Variants in RBFOX1 observed in about 807,000 individuals in gnomAD.
RBFOX1 encodes the protein RNA binding fox-1 homolog 1, also known as RNA binding protein fox-1 homolog 1.
A neutral mutation model predicts 57.7 loss-of-function variants in RBFOX1; 8 were observed. That is an observed-to-expected ratio of 0.14 (90% CI 0.08 to 0.25). The LOEUF is 0.25. Ranked by LOEUF, RBFOX1 falls within the 10% of genes least tolerant of loss-of-function variation. The probability of loss-of-function intolerance (pLI) is 1.00; values close to 1 mark genes in which losing one functional copy is unlikely to be tolerated. For synonymous variants in RBFOX1, 326 were observed against 222.4 expected (o/e 1.47, Z -4.15); for missense variants, 611 against 548.5 (o/e 1.11, Z -1.14).
In RBFOX1 at chr16:7,706,263, A is replaced by C. The variant is rs142706728; in HGVS notation, c.996-2793A>C. 1.1e-4 allele frequency among the ~76,000 whole-genome samples: 16 copies of C among 152,370 alleles called. No homozygotes were observed. The East Asian group carries it at 2.5e-3, about 24-fold the overall frequency. ...TGATCTCTTTTCCTCTGGGGAAATG[A>C]AATTTATTAATCATAATAAAACCAT... is the stretch of plus-strand genomic sequence containing the variant. On this transcript the variant is annotated intron_variant, in intron 14 of 15. Transcript: ENST00000550418.
intron 4 of RBFOX1, among the ~76,000 whole-genome samples, chr16:7,298,854 G>C (rs2095962568): frequency 6.6e-6 from 1 of 152,146 alleles, no homozygotes; most frequent in African/African-American, 2.4e-5. Context: ...AGGAGGAGGA[G>C]GACGAGGAAG....
intron 4 of RBFOX1, among the ~76,000 whole-genome samples, chr16:7,223,550 A>G (rs2092887069): frequency 6.6e-6 from 1 of 152,184 alleles, no homozygotes; most frequent in African/African-American, 2.4e-5. Flanking sequence ...TTTCAGGGGC[A>G]TTTGCACAGC....
At chr16:6,056,292 G>A (rs1596773283) in intron 1 of RBFOX1, among the ~76,000 whole-genome samples, 1 of 152,082 alleles carries the variant, frequency 6.6e-6, no homozygotes, top group Non-Finnish European at 1.5e-5. Context: ...AGCTGTCAAC[G>A]ATATTGTCTT....
chr16:6,224,522 T>G (rs2152887832), intron 1 of RBFOX1, among the ~76,000 whole-genome samples: 1 of 152,262 alleles, frequency 6.6e-6, no homozygotes, highest in African/African-American at 2.4e-5. Flanking sequence ...CGATTCATTA[T>G]GTGAGAACAA....
intron 2 of RBFOX1, among the ~76,000 whole-genome samples, chr16:6,407,513 A>T (rs887789692): frequency 2.0e-5 from 3 of 149,058 alleles, no homozygotes; most frequent in African/African-American, 7.5e-5. Context: ...GACAGAGAGA[A>T]AGAGAGGAGA....
At chr16:5,296,345 A>G (rs933679149) in intron 1 of RBFOX1, among the ~76,000 whole-genome samples, 3 of 152,186 alleles carry the variant, frequency 2.0e-5, no homozygotes, top group African/African-American at 4.8e-5. Context: ...AGCAGGAGAC[A>G]GCTTCCCACA....
chr16:5,415,340 G>C (rs888209877), intron 1 of RBFOX1, among the ~76,000 whole-genome samples: 5 of 152,116 alleles, frequency 3.3e-5, no homozygotes, highest in African/African-American at 1.2e-4. Flanking sequence ...GAACTCCCTT[G>C]CTATCACGAG....
chr16:5,991,283 C>A (rs1391124247), intron 4 of RBFOX1, among the ~76,000 whole-genome samples: 1 of 152,114 alleles, frequency 6.6e-6, no homozygotes, highest in East Asian at 1.9e-4. Context: ...AAGTGGAAGC[C>A]CATGATTTTA....
chr16:5,858,519 C>T (rs1210062169), intron 3 of RBFOX1, among the ~76,000 whole-genome samples: 1 of 152,196 alleles, frequency 6.6e-6, no homozygotes, highest in African/African-American at 2.4e-5. Context: ...TTCCTCTCTT[C>T]TGCCTCTTGC....
In RBFOX1 at chr16:6,882,031, C is replaced by T. The variant is rs1274368822; in HGVS notation, c.-15-170026C>T. 2.6e-5 allele frequency among the ~76,000 whole-genome samples: 4 copies of T among 152,262 alleles called. No individual in the cohort carries two copies. In the South Asian group the frequency reaches 8.3e-4, roughly 32 times the overall value. ...TAAAATCACCAAAGACTCTAGACTT[C>T]ATTTCTGGAAAAATGGTGATGTCAG... On this transcript the variant is annotated intron_variant, in intron 3 of 15. Coordinates refer to ENST00000550418, the MANE Select transcript of RBFOX1 (RefSeq NM_018723.4).
At chr16:7,446,164 T>C (rs1419787233) in intron 4 of RBFOX1, among the ~76,000 whole-genome samples, 1 of 152,214 alleles carries the variant, frequency 6.6e-6, no homozygotes, top group Non-Finnish European at 1.5e-5. Flanking sequence ...AGCATTGTCA[T>C]TGACAAATAG....
At chr16:5,335,600 T>C (rs1655155627) in intron 1 of RBFOX1, among the ~76,000 whole-genome samples, 1 of 152,222 alleles carries the variant, frequency 6.6e-6, no homozygotes, top group Non-Finnish European at 1.5e-5. Context: ...CTCTTCTCCA[T>C]TGCACATGAG....
intron 1 of RBFOX1, among the ~76,000 whole-genome samples, chr16:6,183,261 A>T (rs2097078997): frequency 6.6e-6 from 1 of 151,964 alleles, no homozygotes; most frequent in South Asian, 2.1e-4. Flanking sequence ...CGGGCAGATC[A>T]GGAGGTCAGG....
intron 2 of RBFOX1, among the ~76,000 whole-genome samples, chr16:6,562,161 T>C (rs1239419144): frequency 6.6e-6 from 1 of 152,184 alleles, no homozygotes; most frequent in Non-Finnish European, 1.5e-5. Context: ...GTAAGTAACA[T>C]TGTAGTCAAG....
intron 1 of RBFOX1, among the ~76,000 whole-genome samples, chr16:6,308,505 C>G (rs1382536748): frequency 6.6e-6 from 1 of 152,152 alleles, no homozygotes; most frequent in Admixed American, 6.5e-5. Context: ...CTGGTGGACC[C>G]TAGTTTGCTG....
At chr16:7,689,466 G>T (rs1202815001) in intron 14 of RBFOX1, among the ~76,000 whole-genome samples, 1 of 152,240 alleles carries the variant, frequency 6.6e-6, no homozygotes. Context: ...CAGTGAAAAT[G>T]AGTGCCTGTG....
intron 1 of RBFOX1, among the ~76,000 whole-genome samples, chr16:6,170,625 A>G (rs918698883): frequency 2.6e-5 from 4 of 152,178 alleles, no homozygotes; most frequent in African/African-American, 9.6e-5. Flanking sequence ...TCAGGGGTGC[A>G]TAAGCAGTTT....
intron 2 of RBFOX1, among the ~76,000 whole-genome samples, chr16:6,620,893 C>G (rs2098220231): frequency 1.3e-5 from 2 of 152,218 alleles, no homozygotes; most frequent in African/African-American, 4.8e-5. Context: ...ATAGGACTGC[C>G]TTAACAAATT....
rs112577025 is a variant in RBFOX1, at chr16:7,548,343, G to A, written c.270+29954G>A. 2.6e-5 allele frequency among the ~76,000 whole-genome samples: 4 copies of A among 152,240 alleles called. 1 individual carries two copies. Among genetic ancestry groups the A allele is most frequent in the African/African-American group, 9.6e-5 (4 of 41,538 alleles). ...GGCTAATTTTTGTAGTTTTAGTAGAGACAGGGTTTCACCATATTGGCTAGG... is the reference window on the plus strand; with the variant it reads ...GGCTAATTTTTGTAGTTTTAGTAGAAACAGGGTTTCACCATATTGGCTAGG... On this transcript the variant is annotated intron_variant, in intron 5 of 15. Coordinates refer to ENST00000550418, the MANE Select transcript of RBFOX1 (RefSeq NM_018723.4).
Sources: allele counts gnomAD v4.1 joint callset (sites outside exome capture counted in the v4.1 genomes callset), GRCh38; gene constraint gnomAD v4.1.1; transcripts MANE v1.5; gene names NCBI Gene and HGNC (gene_info 2026-07-23, HGNC 2026-07-21).